The following XPO7 variants were observed in gnomAD, a reference collection of about 807,000 sequenced individuals.
XPO7 encodes the protein exportin 7.
A neutral mutation model predicts 144.3 loss-of-function variants in XPO7; 21 were observed. The ratio of observed to expected loss-of-function variants is 0.15; its 90% CI spans 0.10 to 0.21. The LOEUF (loss-of-function observed/expected upper bound fraction) is 0.21, where lower values mean the gene tolerates loss of function less well. Ranked by LOEUF, XPO7 falls within the 10% of genes least tolerant of loss-of-function variation. The probability of loss-of-function intolerance (pLI) is 1.00; values close to 1 mark genes in which losing one functional copy is unlikely to be tolerated. For synonymous variants in XPO7, 580 were observed against 499.6 expected (o/e 1.16, Z -2.15); for missense variants, 808 against 1,325.8 (o/e 0.61, Z 6.06).
chr8:21,998,888 C>T (rs1466791265), intron 22 of XPO7, 51 bp downstream of exon 22: 9 of 1,591,624 alleles, frequency 5.7e-6, no homozygotes, highest in South Asian at 1.1e-5. Flanking sequence ...AGCTCAGTCA[C>T]CACACTGTAA....
intron 26 of XPO7, 110 bp from the exon 27 acceptor site, chr8:22,003,793 G>C: frequency 1.3e-6 from 2 of 1,492,054 alleles, no homozygotes; most frequent in Non-Finnish European, 1.8e-6. Context: ...AATTTTAGTA[G>C]ACATTCCATT....
rs1285069062 is a variant in XPO7, at chr8:21,995,489, C to T, written c.2238-3C>T. 3.7e-6 allele frequency: 6 copies of T among 1,601,094 alleles called. No individual in the cohort carries two copies. The highest frequency in any genetic ancestry group is 2.3e-5 in the South Asian group (2 of 88,668). On this transcript the variant is annotated splice_polypyrimidine_tract_variant and splice_region_variant and intron_variant, in intron 20 of 27. Coordinates refer to ENST00000252512, the MANE Select transcript of XPO7 (RefSeq NM_015024.5). The stretch of plus-strand genomic sequence containing the variant: ...AAATCTTTCCTTAGCTTCTCATTTA[C>T]AGATATCCATCCTATATGCCAATTC...
At chr8:21,992,060 C>T in intron 19 of XPO7, 86 bp downstream of exon 19, 2 of 951,892 alleles carry the variant, frequency 2.1e-6, no homozygotes, top group South Asian at 1.7e-5. Context: ...GTAAACTATC[C>T]ACTGCCATAG....
At chr8:21,965,044 A>G (rs987266620) in intron 1 of XPO7, among the ~76,000 whole-genome samples, 13 of 152,100 alleles carry the variant, frequency 8.5e-5, no homozygotes, top group African/African-American at 1.4e-4. Context: ...CTGCTCCCCA[A>G]TACCTGATGC....
intron 1 of XPO7, among the ~76,000 whole-genome samples, chr8:21,940,490 G>C (rs1204357803): frequency 1.3e-5 from 2 of 148,308 alleles, no homozygotes; most frequent in African/African-American, 5.0e-5. Flanking sequence ...TTTTTTTTGA[G>C]CCGGAGTCTC....
At chr8:21,952,518 G>A (rs1256368763) in intron 1 of XPO7, among the ~76,000 whole-genome samples, 1 of 152,140 alleles carries the variant, frequency 6.6e-6, no homozygotes, top group African/African-American at 2.4e-5. Flanking sequence ...TGGATGGATG[G>A]CAGGCAATAA....
chr8:21,927,076 T>TGAGCAACAGGGAGTATTTAAGGACA (rs1810481179), intron 1 of XPO7, among the ~76,000 whole-genome samples: 1 of 152,124 alleles, frequency 6.6e-6, no homozygotes, highest in Non-Finnish European at 1.5e-5. Context: ...GAATTGAACC[T>TGAGCAACAGGGAGTATTTAAGGACA]GAGCAACAGG....
At chr8:22,004,127 T>C (rs1222468849) in intron 27 of XPO7, 97 bp downstream of exon 27, 3 of 1,522,502 alleles carry the variant, frequency 2.0e-6, no homozygotes, top group Admixed American at 1.9e-5. Flanking sequence ...CATCTGTGTT[T>C]GGAGGCCATC....
At chr8:21,976,544 A>C in intron 7 of XPO7, 23 bp downstream of exon 7, 1 of 1,601,606 alleles carries the variant, frequency 6.2e-7, no homozygotes, top group South Asian at 1.1e-5. Flanking sequence ...CCTCCACCTC[A>C]AAGGCTGTCT....
intron 1 of XPO7, among the ~76,000 whole-genome samples, chr8:21,958,161 A>G (rs997343617): frequency 3.3e-5 from 5 of 152,138 alleles, no homozygotes; most frequent in African/African-American, 1.2e-4. Flanking sequence ...TTATGTTTCT[A>G]TGGAGAAGTA....
At chr8:22,003,009 A>G (rs772944703) in intron 25 of XPO7, 65 of 397,426 alleles carry the variant, frequency 1.6e-4, no homozygotes, top group Non-Finnish European at 2.7e-4. Flanking sequence ...GTTCAAACCA[A>G]TTTTAAGAAC....
intron 1 of XPO7, among the ~76,000 whole-genome samples, chr8:21,955,063 A>C (rs921055885): frequency 1.3e-5 from 2 of 152,208 alleles, no homozygotes; most frequent in Non-Finnish European, 2.9e-5. Flanking sequence ...ATTTACATAC[A>C]TGGTTGTTTA....
intron 1 of XPO7, among the ~76,000 whole-genome samples, chr8:21,948,394 T>C (rs1253612700): frequency 5.3e-5 from 8 of 152,208 alleles, no homozygotes; most frequent in Non-Finnish European, 1.2e-4. Context: ...TGGTACAGGT[T>C]TGTAGCCTAG....
intron 25 of XPO7, 60 bp from the exon 26 acceptor site, chr8:22,003,159 G>A (rs140597492): frequency 3.7e-5 from 51 of 1,372,688 alleles, no homozygotes; most frequent in African/African-American, 1.1e-4. Flanking sequence ...GGAATCTGTC[G>A]TTTTATCTTG....
At chr8:21,985,546 C>G (rs1034805215) in intron 12 of XPO7, 40 bp from the exon 13 acceptor site, 8 of 1,568,324 alleles carry the variant, frequency 5.1e-6, no homozygotes, top group Non-Finnish European at 7.0e-6. Context: ...CTTCAAGAAA[C>G]TATCACTGGA....
intron 1 of XPO7, among the ~76,000 whole-genome samples, chr8:21,925,721 C>CTTG (rs1438926957): frequency 6.6e-6 from 1 of 152,150 alleles, no homozygotes; most frequent in East Asian, 1.9e-4. Context: ...TGTGAAGTCC[C>CTTG]TTGTACTTCA....
At chr8:21,986,717 G>A (rs977825214) in intron 13 of XPO7, among the ~76,000 whole-genome samples, 7 of 152,184 alleles carry the variant, frequency 4.6e-5, no homozygotes, top group African/African-American at 7.2e-5. Flanking sequence ...CTGAGCTTGA[G>A]TGTAGCAACA....
chr8:21,940,538 C>T (rs1810956680), intron 1 of XPO7, among the ~76,000 whole-genome samples: 2 of 150,372 alleles, frequency 1.3e-5, no homozygotes, highest in East Asian at 3.9e-4. Flanking sequence ...GGTGTGATCT[C>T]GGCTCACTGC....
Position 22,002,268 on chromosome 8 carries a change from A to G in XPO7, c.2939A>G (p.Gln980Arg), listed in dbSNP as rs1563340991. 5 of 1,612,364 alleles carry G rather than the reference A, an allele frequency of 3.1e-6. No individual in the cohort carries two copies. The highest frequency in any genetic ancestry group is 1.3e-5 in the African/African-American group (1 of 75,026). The part of the protein sequence containing the change: ...HIMQQHPEMI[Q>R]QMLSTVLNII... ...ATGCAGCAGCATCCAGAGATGATCC[A>G]GCAGGTAAGAAAGTGGAGGCTTAGG... The change falls in exon 25 of 28, where the codon CAG becomes CGG. Residue 980 changes from glutamine to arginine, a missense_variant. Transcript: ENST00000252512.
Sources: allele counts gnomAD v4.1 joint callset (sites outside exome capture counted in the v4.1 genomes callset), GRCh38; gene constraint gnomAD v4.1.1; transcripts MANE v1.5; gene names NCBI Gene and HGNC (gene_info 2026-07-23, HGNC 2026-07-21).